The following CTNNA2 variants were observed in gnomAD, a reference collection of about 807,000 sequenced individuals.
The protein encoded by CTNNA2 is catenin alpha 2.
In CTNNA2, 42 loss-of-function variants were observed where a neutral mutation model predicts 101.0. That is an observed-to-expected ratio of 0.42 (90% CI 0.32 to 0.54). The LOEUF is 0.54. CTNNA2 is among the 20% of genes least tolerant of loss of function. The pLI, the probability that CTNNA2 is intolerant of heterozygous loss-of-function variation, is 0.14. For missense variants in CTNNA2, 871 were observed against 1,223.1 expected, an observed-to-expected ratio of 0.71 and a Z score of 4.29; for synonymous variants, 450 against 456.4, an observed-to-expected ratio of 0.99 and a Z score of 0.18.
rs906618858 is a variant in CTNNA2, at chr2:79,993,021, A to G, written c.1056+83224A>G. On this transcript the variant is annotated intron_variant, in intron 7 of 18. Coordinates refer to ENST00000402739, the MANE Select transcript of CTNNA2 (RefSeq NM_001282597.3). ...CAAACTCCTCTTTCTGGGTTCTTTG[A>G]TTCTCCCCATCTACCAAGAACCATC... Among the ~76,000 whole-genome samples, 90 of 151,924 alleles carry G rather than the reference A, an allele frequency of 5.9e-4. 1 individual carries two copies. The highest frequency in any genetic ancestry group is 2.1e-3 in the African/African-American group (88 of 41,388).
chr2:80,371,796 C>T (rs1675469477), intron 7 of CTNNA2, among the ~76,000 whole-genome samples: 1 of 151,914 alleles, frequency 6.6e-6, no homozygotes, highest in Admixed American at 6.6e-5. Flanking sequence ...GTCAAATTGC[C>T]CAGGACCTTC....
intron 3 of CTNNA2, among the ~76,000 whole-genome samples, chr2:79,826,744 G>T (rs1678470426): frequency 6.6e-6 from 1 of 152,170 alleles, no homozygotes; most frequent in Non-Finnish European, 1.5e-5. Context: ...TCTGTGTGTA[G>T]GCTTCTTTCT....
At chr2:79,850,991 A>G (rs1465408216) in intron 3 of CTNNA2, among the ~76,000 whole-genome samples, 2 of 152,200 alleles carry the variant, frequency 1.3e-5, no homozygotes, top group Non-Finnish European at 2.9e-5. Flanking sequence ...TCCCAGAAGA[A>G]GACATTCCTA....
chr2:79,408,343 G>A (rs1678364197), intron 4 of CTNNA2, among the ~76,000 whole-genome samples: 1 of 150,956 alleles, frequency 6.6e-6, no homozygotes, highest in Non-Finnish European at 1.5e-5. Context: ...TAGGGTACAT[G>A]TACACAATGT....
chr2:80,165,327 A>G (rs1302004713), intron 7 of CTNNA2, among the ~76,000 whole-genome samples: 1 of 150,434 alleles, frequency 6.6e-6, no homozygotes, highest in African/African-American at 2.4e-5. Flanking sequence ...CAGTTCACCA[A>G]TTCTTTCCTC....
chr2:79,723,702 G>A (rs566030915), intron 2 of CTNNA2, among the ~76,000 whole-genome samples: 1 of 152,158 alleles, frequency 6.6e-6, no homozygotes, highest in Admixed American at 6.5e-5. Context: ...TCATACATAT[G>A]GTACTTTCTG....
intron 2 of CTNNA2, among the ~76,000 whole-genome samples, chr2:79,256,472 AAAT>A (rs141581794): frequency 0.14 from 21,379 of 152,196 alleles, 1,548 homozygotes; most frequent in African/African-American, 0.18. Context: ...AGAGTAAATC[AAAT>A]AATTAAAACA....
At chr2:79,411,614 T>A (rs559682203) in intron 4 of CTNNA2, among the ~76,000 whole-genome samples, 1 of 152,068 alleles carries the variant, frequency 6.6e-6, no homozygotes, top group Non-Finnish European at 1.5e-5. Context: ...GAAAAGAATT[T>A]TCAACCCAGA....
intron 4 of CTNNA2, among the ~76,000 whole-genome samples, chr2:79,414,012 C>T (rs538343843): frequency 1.5e-3 from 216 of 146,978 alleles, no homozygotes; most frequent in African/African-American, 5.1e-3. Context: ...ATCTATTTTG[C>T]AGAGTCAAGA....
At chr2:79,322,681 A>G (rs1338795966) in intron 3 of CTNNA2, among the ~76,000 whole-genome samples, 6 of 152,098 alleles carry the variant, frequency 3.9e-5, no homozygotes, top group Non-Finnish European at 4.4e-5. Context: ...TTTTATTTCC[A>G]TTGCTCCATT....
chr2:79,518,977 C>G (rs1025011821), intron 1 of CTNNA2, among the ~76,000 whole-genome samples: 1 of 151,926 alleles, frequency 6.6e-6, no homozygotes, highest in Admixed American at 6.6e-5. Context: ...GCCTGTAATC[C>G]CAGCACTTTG....
At chr2:79,434,500 A>G (rs1221793350) in intron 4 of CTNNA2, among the ~76,000 whole-genome samples, 2 of 152,142 alleles carry the variant, frequency 1.3e-5, no homozygotes, top group African/African-American at 4.8e-5. Flanking sequence ...TGCTTGATCA[A>G]TATTATTCCT....
intron 7 of CTNNA2, among the ~76,000 whole-genome samples, chr2:79,934,666 T>G (rs1687661209): frequency 6.6e-6 from 1 of 152,184 alleles, no homozygotes; most frequent in Non-Finnish European, 1.5e-5. Flanking sequence ...GAAAGCTGTG[T>G]CCTTGCTCTG....
chr2:79,287,973 G>T (rs943526862), intron 2 of CTNNA2, among the ~76,000 whole-genome samples: 4 of 152,200 alleles, frequency 2.6e-5, no homozygotes, highest in African/African-American at 9.6e-5. Context: ...TAAGCCGGTC[G>T]GAAAAGCGCA....
intron 2 of CTNNA2, among the ~76,000 whole-genome samples, chr2:79,233,939 C>T (rs766196149): frequency 4.7e-5 from 7 of 150,314 alleles, no homozygotes; most frequent in Non-Finnish European, 7.4e-5. Flanking sequence ...GGTGTCATTA[C>T]ATGTGAGATG....
intron 7 of CTNNA2, among the ~76,000 whole-genome samples, chr2:80,221,207 C>G (rs1708556859): frequency 6.6e-6 from 1 of 152,174 alleles, no homozygotes; most frequent in Non-Finnish European, 1.5e-5. Flanking sequence ...TAAAGACTAC[C>G]AGCTGCATAT....
chr2:79,348,149 C>T (rs1030353564), intron 3 of CTNNA2, among the ~76,000 whole-genome samples: 1 of 152,086 alleles, frequency 6.6e-6, no homozygotes, highest in Non-Finnish European at 1.5e-5. Flanking sequence ...TGCAAAACGA[C>T]TTACTTTGGA....
At chr2:79,647,484 G>T (rs1680903663) in intron 1 of CTNNA2, among the ~76,000 whole-genome samples, 1 of 152,104 alleles carries the variant, frequency 6.6e-6, no homozygotes, top group African/African-American at 2.4e-5. Context: ...CAGTATCACA[G>T]AGCTAATAAA....
chr2:79,289,174 C>T (rs903382341), intron 2 of CTNNA2, among the ~76,000 whole-genome samples: 8 of 152,092 alleles, frequency 5.3e-5, no homozygotes, highest in Admixed American at 1.3e-4. Flanking sequence ...CTTTGTGATT[C>T]GAGAGGGTGG....
Sources: gnomAD v4.1 joint callset for allele counts (sites outside exome capture counted in the v4.1 genomes callset) on GRCh38, gnomAD v4.1.1 for gene constraint, MANE v1.5 for transcripts, NCBI Gene and HGNC (gene_info 2026-07-23, HGNC 2026-07-21) for gene names.